The following RTL4 variants were observed in gnomAD, a reference collection of about 807,000 sequenced individuals.
The protein encoded by RTL4 is retrotransposon Gag-like protein 4.
RTL4 carries 4 observed loss-of-function variants against 5.3 expected under a neutral mutation model. The observed-to-expected ratio is 0.75, with a 90% CI of 0.37 to 1.72. The LOEUF (loss-of-function observed/expected upper bound fraction) is 1.72, where lower values mean the gene tolerates loss of function less well. RTL4 is among the 40% of genes most tolerant of loss of function. The pLI, the probability that RTL4 is intolerant of heterozygous loss-of-function variation, is 0.04. For missense variants in RTL4, 260 were observed against 227.1 expected (o/e 1.14, Z -0.93); for synonymous variants, 98 against 87.3 (o/e 1.12, Z -0.68).
the RTL4 span, among the ~76,000 whole-genome samples, chrX:112,209,131 T>C: frequency 8.9e-6 from 1 of 112,240 alleles, no homozygotes; most frequent in Non-Finnish European, 1.9e-5. Context: ...ATTATTAAAA[T>C]CCTCCTCTGC....
chrX:112,193,163 A>G, the RTL4 span, among the ~76,000 whole-genome samples: 4 of 111,650 alleles, frequency 3.6e-5, no homozygotes, highest in Non-Finnish European at 7.6e-5. Context: ...TATGGATAAC[A>G]TAATTGTAGT....
chrX:112,161,823 T>A, the RTL4 span, among the ~76,000 whole-genome samples: 1 of 43,688 alleles, frequency 2.3e-5, no homozygotes, highest in Non-Finnish European at 4.6e-5. Flanking sequence ...CTTCCTTCCT[T>A]CCTTCCTTCC....
At chrX:112,344,125 T>C in the RTL4 span, among the ~76,000 whole-genome samples, 2 of 112,201 alleles carry the variant, frequency 1.8e-5, no homozygotes, top group Non-Finnish European at 3.8e-5. Flanking sequence ...AAATATTTAC[T>C]GAACATCTAC....
chrX:112,367,285 G>A, the RTL4 span, among the ~76,000 whole-genome samples: 9 of 111,505 alleles, frequency 8.1e-5, no homozygotes, highest in Non-Finnish European at 1.5e-4. Flanking sequence ...GATGACAGCT[G>A]CAAGAAATGA....
the RTL4 span, among the ~76,000 whole-genome samples, chrX:112,152,997 G>A: frequency 9.0e-6 from 1 of 111,477 alleles, no homozygotes; most frequent in South Asian, 3.8e-4. Flanking sequence ...TTTATAGCCA[G>A]GTACAACAAT....
the RTL4 span, among the ~76,000 whole-genome samples, chrX:112,130,021 G>A: frequency 3.6e-5 from 4 of 111,491 alleles, no homozygotes; most frequent in Non-Finnish European, 3.8e-5. Context: ...TTGTTTTTAT[G>A]AATCAGAAGG....
At chrX:112,442,489 T>C in the RTL4 span, among the ~76,000 whole-genome samples, 2 of 110,799 alleles carry the variant, frequency 1.8e-5, no homozygotes, top group African/African-American at 6.6e-5. Context: ...TCTCAAGTGA[T>C]CTACCCGCCT....
the RTL4 span, among the ~76,000 whole-genome samples, chrX:112,353,960 G>T: frequency 9.0e-6 from 1 of 111,366 alleles, no homozygotes; most frequent in Admixed American, 9.6e-5. Context: ...TCTTAGAATT[G>T]AAGCTAAAGT....
At chrX:112,246,668 C>A in the RTL4 span, among the ~76,000 whole-genome samples, 1 of 111,810 alleles carries the variant, frequency 8.9e-6, no homozygotes, top group African/African-American at 3.3e-5. Flanking sequence ...AGACCCCTTG[C>A]ACTTCCCGGG....
At chrX:112,090,302 G>A in the RTL4 span, among the ~76,000 whole-genome samples, 458 of 110,686 alleles carry the variant, frequency 4.1e-3, no homozygotes, top group Middle Eastern at 0.014. Flanking sequence ...GGAAAAATGT[G>A]GATAACCTTG....
the RTL4 span, among the ~76,000 whole-genome samples, chrX:112,438,106 A>C: frequency 9.0e-6 from 1 of 111,199 alleles, no homozygotes; most frequent in African/African-American, 3.3e-5. Flanking sequence ...TTTCTCACAT[A>C]GTTTCTGTGG....
chrX:112,124,694 G>A, the RTL4 span, among the ~76,000 whole-genome samples: 534 of 97,855 alleles, frequency 5.5e-3, 3 homozygotes, highest in African/African-American at 0.024. Flanking sequence ...GGGATTTGAG[G>A]GGAGGGAATT....
At chrX:112,261,005 T>A in the RTL4 span, among the ~76,000 whole-genome samples, 4 of 111,804 alleles carry the variant, frequency 3.6e-5, no homozygotes, top group Non-Finnish European at 7.5e-5. Context: ...TACAATTTGG[T>A]AAGGCATCAC....
the RTL4 span, among the ~76,000 whole-genome samples, chrX:112,099,192 AAAAC>A: frequency 2.7e-5 from 3 of 112,058 alleles, no homozygotes; most frequent in Admixed American, 1.9e-4. Flanking sequence ...TTACCAGAAA[AAAAC>A]AAACAACCCC....
chrX:112,415,664 C>A, the RTL4 span, among the ~76,000 whole-genome samples: 115 of 107,527 alleles, frequency 1.1e-3, 3 homozygotes, highest in Non-Finnish European at 2.3e-4. Flanking sequence ...ATCTTTATGA[C>A]AATTGAAAAA....
At chrX:112,254,563 G>C in the RTL4 span, among the ~76,000 whole-genome samples, 2 of 110,656 alleles carry the variant, frequency 1.8e-5, no homozygotes, top group African/African-American at 3.3e-5. Context: ...TCTTGACCTC[G>C]TGATCCACCT....
chrX:112,203,115 T>G, the RTL4 span, among the ~76,000 whole-genome samples: 1 of 111,122 alleles, frequency 9.0e-6, no homozygotes, highest in Non-Finnish European at 1.9e-5. Context: ...CTTGGATGGT[T>G]TGTATTTTTA....
the RTL4 span, among the ~76,000 whole-genome samples, chrX:112,390,195 G>A: frequency 1.3e-5 from 1 of 76,531 alleles, no homozygotes; most frequent in African/African-American, 5.0e-5. Context: ...GCTCACGTTT[G>A]CAACCCCAGC....
the RTL4 span, among the ~76,000 whole-genome samples, chrX:112,289,434 G>A: frequency 3.6e-5 from 4 of 112,047 alleles, no homozygotes; most frequent in Admixed American, 2.8e-4. Flanking sequence ...GAAAGACAAA[G>A]CATATACAAT....
Sources: allele counts gnomAD v4.1 joint callset (sites outside exome capture counted in the v4.1 genomes callset), GRCh38; gene constraint gnomAD v4.1.1; transcripts MANE v1.5; gene names NCBI Gene and HGNC (gene_info 2026-07-23, HGNC 2026-07-21).